MTF1: variants seen among roughly 807,000 people sequenced by gnomAD.
MTF1 encodes metal regulatory transcription factor 1.
A neutral mutation model predicts 70.4 loss-of-function variants in MTF1; 22 were observed. The observed-to-expected ratio is 0.31, with a 90% CI of 0.22 to 0.45. The LOEUF (loss-of-function observed/expected upper bound fraction) is 0.45. Among genes scored for constraint, MTF1 ranks in the 20% least tolerant of loss-of-function variants. The pLI, the probability that MTF1 is intolerant of heterozygous loss-of-function variation, is 1.00. For missense variants in MTF1, 649 were observed against 922.0 expected, an observed-to-expected ratio of 0.70 and a Z score of 3.83; for synonymous variants, 333 against 352.8, an observed-to-expected ratio of 0.94 and a Z score of 0.63.
intron 6 of MTF1, among the ~76,000 whole-genome samples, chr1:37,832,822 T>C (rs1454594954): frequency 2.0e-5 from 3 of 151,922 alleles, no homozygotes; most frequent in South Asian, 2.1e-4. Context: ...CTGGCCAACA[T>C]AGTGAAACCC....
In MTF1 at chr1:37,814,717, G is replaced by A. The variant is rs934559673; in HGVS notation, c.*419C>T. On this transcript the variant is annotated 3_prime_UTR_variant, in exon 11 of 11. Coordinates refer to ENST00000373036, the MANE Select transcript of MTF1 (RefSeq NM_005955.3). ...AGCCTCAGATTCAAAAGACACATAG[G>A]AAGGAGCAACACCCAACACACTGAA... The A allele has an allele frequency of 1.6e-4, 29 of 177,080 alleles. No individual in the cohort carries two copies. Among genetic ancestry groups the A allele is most frequent in the Admixed American group, 1.5e-3 (27 of 18,168 alleles). 11.0% of individuals were successfully genotyped at this position (177,080 alleles called of 1,614,324 possible).
At position 37,812,053 on chromosome 1, in the gene MTF1, G is replaced by A. The variant is rs1055338356; in HGVS notation, c.*3083C>T. The A allele has an allele frequency of 6.5e-6, 1 of 152,682 alleles. No homozygotes were observed. Among genetic ancestry groups the A allele is most frequent in the African/African-American group, 2.4e-5 (1 of 41,462 alleles). 9.5% of individuals were successfully genotyped at this position (152,682 alleles called of 1,614,324 possible). A position where few individuals can be genotyped will look rare whatever the true frequency, so the allele number is the denominator to read the frequency against. Reference sequence around the variant, plus strand: ...CCTGGTGCTAAGCACCCTTTGAAGCGGTTGTCTAATTGGAGATGTTAGTAG... The same window carrying A: ...CCTGGTGCTAAGCACCCTTTGAAGCAGTTGTCTAATTGGAGATGTTAGTAG... On this transcript the variant is annotated 3_prime_UTR_variant, in exon 11 of 11. Coordinates refer to ENST00000373036, the MANE Select transcript of MTF1 (RefSeq NM_005955.3).
rs1332753861 is a variant in MTF1, at chr1:37,857,293, G to A, written c.366C>T (p.Thr122=). ...TPMPRNIEGA[T]LTLQSECPET... is the part of the protein sequence containing the mutation. Reference sequence around the variant, plus strand: ...CCGGACATTCCGACTGCAGAGTGAGGGTTGCACCTTCAATATTTCTTGGCA... The same window carrying A: ...CCGGACATTCCGACTGCAGAGTGAGAGTTGCACCTTCAATATTTCTTGGCA... Residue 122 remains threonine, a synonymous_variant, in exon 2 of 11, where the codon ACC becomes ACT. Transcript: ENST00000373036. 1.9e-6 allele frequency: 3 copies of A among 1,614,150 alleles called. No homozygotes were observed. The highest frequency in any genetic ancestry group is 1.7e-5 in the Admixed American group (1 of 60,016).
chr1:37,842,361 T>C (rs1641268232), intron 2 of MTF1, among the ~76,000 whole-genome samples: 1 of 152,232 alleles, frequency 6.6e-6, no homozygotes, highest in African/African-American at 2.4e-5. Flanking sequence ...ACCATTTCCA[T>C]CAATGCCCAT....
At chr1:37,834,599 A>C (rs893632210) in intron 6 of MTF1, 1 of 456,146 alleles carries the variant, frequency 2.2e-6, no homozygotes, top group East Asian at 6.9e-5. Flanking sequence ...TGGAGTGGAC[A>C]GAAGAGGGGG....
chr1:37,819,564 TA>T (rs1225816025), intron 9 of MTF1, among the ~76,000 whole-genome samples: 2 of 152,230 alleles, frequency 1.3e-5, no homozygotes, highest in Admixed American at 6.5e-5. Context: ...CTTTGTCTTT[TA>T]TCTCGCTAAA....
chr1:37,827,016 C>G (rs1641012139), intron 7 of MTF1, among the ~76,000 whole-genome samples: 1 of 152,108 alleles, frequency 6.6e-6, no homozygotes, highest in Non-Finnish European at 1.5e-5. Flanking sequence ...CCAGTCCGGA[C>G]AGAGTTAAAA....
chr1:37,818,487 A>G (rs12740327), intron 9 of MTF1, among the ~76,000 whole-genome samples: 145,944 of 151,988 alleles, frequency 0.96, 70,308 homozygotes, highest in East Asian at 1. Flanking sequence ...GGTGAATCAC[A>G]AGGTCAGGAG....
intron 7 of MTF1, 40 bp downstream of exon 7, chr1:37,832,205 G>T: frequency 2.2e-6 from 3 of 1,348,004 alleles, no homozygotes; most frequent in Non-Finnish European, 3.2e-6. Context: ...CTTAATTCTT[G>T]CCCTTATTTT....
intron 2 of MTF1, among the ~76,000 whole-genome samples, chr1:37,844,022 C>A (rs1641296423): frequency 6.6e-6 from 1 of 152,218 alleles, no homozygotes; most frequent in Admixed American, 6.5e-5. Context: ...AATCACTAAT[C>A]CAGGCATTCT....
chr1:37,829,535 C>T (rs564909360), intron 7 of MTF1, among the ~76,000 whole-genome samples: 13 of 152,026 alleles, frequency 8.6e-5, no homozygotes, highest in Non-Finnish European at 1.8e-4. Context: ...GTAATCCCAG[C>T]ACTTTGGGAG....
In MTF1 at chr1:37,814,850, T is replaced by C. The variant is rs2148397112; in HGVS notation, c.*286A>G. On this transcript the variant is annotated 3_prime_UTR_variant, in exon 11 of 11. Coordinates refer to ENST00000373036, the MANE Select transcript of MTF1 (RefSeq NM_005955.3). Reference sequence around the variant, plus strand: ...TTTTTATGCACACGAGTAACCTTAGTTTCCAAGTTCACATGACAACAAGCA... The same window carrying C: ...TTTTTATGCACACGAGTAACCTTAGCTTCCAAGTTCACATGACAACAAGCA... The C allele has an allele frequency of 2.7e-6, 1 of 364,320 alleles. No individual in the cohort carries two copies. The highest frequency in any genetic ancestry group is 7.8e-4 in the Middle Eastern group (1 of 1,286). The allele number at this position is 364,320 out of a possible 1,614,324, so 22.6% of individuals were successfully genotyped here.
intron 2 of MTF1, among the ~76,000 whole-genome samples, chr1:37,850,913 T>C (rs1220328129): frequency 6.6e-6 from 1 of 151,080 alleles, no homozygotes; most frequent in Non-Finnish European, 1.5e-5. Context: ...TTCTCAAGAG[T>C]AACACCTGTG....
At chr1:37,829,552 AC>A (rs1254012590) in intron 7 of MTF1, among the ~76,000 whole-genome samples, 1 of 151,794 alleles carries the variant, frequency 6.6e-6, no homozygotes, top group Non-Finnish European at 1.5e-5. Context: ...GGAGTCCGAG[AC>A]GGGCGGATCA....
chr1:37,856,571 C>T (rs1475425905), intron 2 of MTF1, among the ~76,000 whole-genome samples: 1 of 149,726 alleles, frequency 6.7e-6, no homozygotes, highest in Non-Finnish European at 1.5e-5. Flanking sequence ...ATGATCTCGG[C>T]TCACTGCAAC....
In MTF1 at chr1:37,809,812, C is replaced by T. The variant is rs1413945948; in HGVS notation, c.*5324G>A. On this transcript the variant is annotated 3_prime_UTR_variant, in exon 11 of 11. Transcript: ENST00000373036. ...TACTGAACCTGTAACGTTTTCACAT[C>T]GCTCAGTGGAAGTCCGTTGTTCCCA... The T allele has an allele frequency of 6.6e-6, 1 of 152,588 alleles. No homozygotes were observed. The highest frequency in any genetic ancestry group is 1.5e-5 in the Non-Finnish European group (1 of 68,052). The allele number at this position is 152,588 out of a possible 1,614,324, so 9.5% of individuals were successfully genotyped here.
chr1:37,834,682 A>T, intron 6 of MTF1: 1 of 460,802 alleles, frequency 2.2e-6, no homozygotes, highest in Non-Finnish European at 4.3e-6. Flanking sequence ...AGACTGAATG[A>T]AGTAATCAGA....
At chr1:37,845,179 A>G (rs1641315017) in intron 2 of MTF1, among the ~76,000 whole-genome samples, 1 of 152,218 alleles carries the variant, frequency 6.6e-6, no homozygotes, top group African/African-American at 2.4e-5. Context: ...AAATGAACAA[A>G]ACCAGTGGGA....
chr1:37,832,117 A>C (rs1393069498), intron 7 of MTF1, 128 bp downstream of exon 7: 2 of 608,264 alleles, frequency 3.3e-6, no homozygotes, highest in East Asian at 5.8e-5. Flanking sequence ...AAAATCCTAC[A>C]TGGTCAGTAA....
Sources: gnomAD v4.1 joint callset for allele counts (sites outside exome capture counted in the v4.1 genomes callset) on GRCh38, gnomAD v4.1.1 for gene constraint, MANE v1.5 for transcripts, NCBI Gene and HGNC (gene_info 2026-07-23, HGNC 2026-07-21) for gene names.